FRMD4A: variants seen among roughly 807,000 people sequenced by gnomAD.
FRMD4A encodes the protein FERM domain-containing protein 4A.
A neutral mutation model predicts 129.1 loss-of-function variants in FRMD4A; 29 were observed. That is an observed-to-expected ratio of 0.22 (90% CI 0.17 to 0.31). The LOEUF is 0.31. Ranked by LOEUF, FRMD4A falls within the 10% of genes least tolerant of loss-of-function variation. The pLI is 1.00. For missense variants in FRMD4A, 1,272 were observed against 1,375.8 expected, an observed-to-expected ratio of 0.92 and a Z score of 1.19; for synonymous variants, 634 against 571.6, an observed-to-expected ratio of 1.11 and a Z score of -1.56.
chr10:14,201,357 C>T (rs978570385), intron 2 of FRMD4A, among the ~76,000 whole-genome samples: 1 of 152,260 alleles, frequency 6.6e-6, no homozygotes, highest in Admixed American at 6.5e-5. Context: ...TAACTGGCGT[C>T]GGTTCCATCT....
intron 2 of FRMD4A, among the ~76,000 whole-genome samples, chr10:13,885,640 C>A (rs2094610341): frequency 1.3e-5 from 2 of 152,220 alleles, no homozygotes. Context: ...GGTTTGTAGA[C>A]TGCACCAGGC....
intron 2 of FRMD4A, among the ~76,000 whole-genome samples, chr10:13,924,683 C>T (rs2095109986): frequency 6.6e-6 from 1 of 152,160 alleles, no homozygotes; most frequent in East Asian, 1.9e-4. Flanking sequence ...TCCTGTCTAC[C>T]CTAAGTCCTC....
chr10:13,995,030 A>G (rs942988502), intron 2 of FRMD4A, among the ~76,000 whole-genome samples: 2 of 152,238 alleles, frequency 1.3e-5, no homozygotes, highest in African/African-American at 4.8e-5. Context: ...ACCATCTGAG[A>G]TAGAAACCAA....
chr10:14,038,711 C>T (rs1047592112), intron 2 of FRMD4A, among the ~76,000 whole-genome samples: 5 of 152,166 alleles, frequency 3.3e-5, no homozygotes, highest in African/African-American at 1.2e-4. Context: ...CCATTGTGTA[C>T]GAAGATATGC....
intron 2 of FRMD4A, among the ~76,000 whole-genome samples, chr10:14,312,975 A>G (rs1188781453): frequency 1.3e-5 from 2 of 152,256 alleles, no homozygotes; most frequent in Admixed American, 1.3e-4. Context: ...AAACTAAAGT[A>G]TTAAGAATCT....
chr10:13,914,109 G>C (rs765871071), intron 2 of FRMD4A, among the ~76,000 whole-genome samples: 4 of 152,150 alleles, frequency 2.6e-5, no homozygotes, highest in African/African-American at 4.8e-5. Context: ...AGGAAGGCGC[G>C]GGCAGATGCC....
intron 2 of FRMD4A, among the ~76,000 whole-genome samples, chr10:14,101,910 T>A (rs1049050429): frequency 2.0e-5 from 3 of 152,204 alleles, no homozygotes; most frequent in African/African-American, 7.2e-5. Flanking sequence ...TTTAGACATA[T>A]CCCCCATCAA....
chr10:13,799,976 G>A (rs1177080785), intron 4 of FRMD4A, among the ~76,000 whole-genome samples: 5 of 151,800 alleles, frequency 3.3e-5, no homozygotes, highest in African/African-American at 7.3e-5. Flanking sequence ...TCAGGAGTTC[G>A]AGACCAGCCT....
At chr10:14,047,240 C>T (rs965817708) in intron 2 of FRMD4A, among the ~76,000 whole-genome samples, 1 of 152,114 alleles carries the variant, frequency 6.6e-6, no homozygotes, top group African/African-American at 2.4e-5. Flanking sequence ...GATGGTCTTG[C>T]TTGGTGGAAA....
chr10:13,766,675 C>T, intron 6 of FRMD4A, among the ~76,000 whole-genome samples: 1 of 152,130 alleles, frequency 6.6e-6, no homozygotes, highest in Admixed American at 6.5e-5. Flanking sequence ...CTGTTTCCCC[C>T]TTATACACCT....
intron 15 of FRMD4A, among the ~76,000 whole-genome samples, chr10:13,689,912 C>G (rs1365249076): frequency 0.012 from 1,784 of 152,160 alleles, 28 homozygotes; most frequent in African/African-American, 0.041. Context: ...GTATCCTTCA[C>G]AATTTAATTC....
At chr10:14,174,800 T>C (rs1564363502) in intron 2 of FRMD4A, among the ~76,000 whole-genome samples, 1 of 152,032 alleles carries the variant, frequency 6.6e-6, no homozygotes, top group Non-Finnish European at 1.5e-5. Context: ...GTAGCCTCTT[T>C]TTAGAGAAAG....
chr10:13,657,489 G>T lies in FRMD4A; in HGVS notation c.2100C>A (p.Ser700Arg). The T allele has an allele frequency of 1.2e-6, 2 of 1,607,516 alleles. No homozygotes were observed. The highest frequency in any genetic ancestry group is 8.5e-7 in the Non-Finnish European group (1 of 1,179,020). The change falls in exon 22 of 25, where the codon AGC (serine) becomes AGA (arginine). Residue 700 changes from serine (S) to arginine (R), a missense_variant. Coordinates refer to ENST00000357447, the MANE Select transcript of FRMD4A (RefSeq NM_018027.5). Reference protein sequence around the residue: ...SVDISPTRLHSLALHFRHRSS... With the variant: ...SVDISPTRLHRLALHFRHRSS... The stretch of plus-strand genomic sequence containing the variant: ...TCCGGTGCCTAAAGTGCAGTGCGAG[G>T]CTGTGCAGTCGGGTGGGGCTGATGT...
chr10:13,750,204 A>G (rs1323649228), intron 8 of FRMD4A, among the ~76,000 whole-genome samples: 2 of 64,690 alleles, frequency 3.1e-5, no homozygotes, highest in Non-Finnish European at 5.6e-5. Context: ...AATCCTGACC[A>G]TGACCAACTA....
chr10:14,066,008 T>TTGTGTGTGTGTGTGTGTGTGTGTGTG (rs61167438), intron 2 of FRMD4A, among the ~76,000 whole-genome samples: 2 of 139,128 alleles, frequency 1.4e-5, no homozygotes, highest in Non-Finnish European at 3.1e-5. Flanking sequence ...GGGTATGTAT[T>TTGTGTGTGTGTGTGTGTGTGTGTGTG]TGTGTGTGTG....
chr10:14,141,706 A>C (rs1415669386), intron 2 of FRMD4A, among the ~76,000 whole-genome samples: 1 of 152,092 alleles, frequency 6.6e-6, no homozygotes, highest in Non-Finnish European at 1.5e-5. Flanking sequence ...GGGTGAAATT[A>C]ACTGCATGTT....
At chr10:13,903,421 C>G (rs181273738) in intron 2 of FRMD4A, among the ~76,000 whole-genome samples, 1 of 152,128 alleles carries the variant, frequency 6.6e-6, no homozygotes, top group Non-Finnish European at 1.5e-5. Context: ...TTGGAACATA[C>G]TAAACATTCA....
At chr10:13,679,325 G>GTTACA (rs2084269551) in intron 15 of FRMD4A, among the ~76,000 whole-genome samples, 1 of 147,310 alleles carries the variant, frequency 6.8e-6, no homozygotes, top group African/African-American at 2.5e-5. Flanking sequence ...CCAGTTGGGT[G>GTTACA]GCTGAGGCAG....
At chr10:13,652,138 T>G in intron 23 of FRMD4A, 164 bp from the exon 24 acceptor site, 1 of 641,760 alleles carries the variant, frequency 1.6e-6, no homozygotes, top group Non-Finnish European at 2.8e-6. Context: ...GTACTTTCAG[T>G]CCCCATAATT....
Sources: allele counts gnomAD v4.1 joint callset (sites outside exome capture counted in the v4.1 genomes callset), GRCh38; gene constraint gnomAD v4.1.1; transcripts MANE v1.5; gene names NCBI Gene and HGNC (gene_info 2026-07-23, HGNC 2026-07-21).